The following OSBPL8 variants were observed in gnomAD, a reference collection of about 807,000 sequenced individuals.
OSBPL8 encodes oxysterol-binding protein-related protein 8.
A neutral mutation model predicts 125.5 loss-of-function variants in OSBPL8; 59 were observed. The observed-to-expected ratio is 0.47, with a 90% CI of 0.38 to 0.58. The LOEUF is 0.58. Ranked by LOEUF, OSBPL8 falls within the 20% of genes least tolerant of loss-of-function variation. The pLI is 0.00. For synonymous variants in OSBPL8, 330 were observed against 338.9 expected (o/e 0.97, Z 0.29); for missense variants, 758 against 1,047.8 (o/e 0.72, Z 3.82).
At chr12:76,365,672 C>T (rs1952387895) in intron 21 of OSBPL8, among the ~76,000 whole-genome samples, 2 of 151,992 alleles carry the variant, frequency 1.3e-5, no homozygotes, top group Non-Finnish European at 2.9e-5. Context: ...TTGTCTTGTT[C>T]CTGATGTTAC....
intron 5 of OSBPL8, among the ~76,000 whole-genome samples, chr12:76,405,287 C>T (rs377695781): frequency 1.1e-4 from 16 of 151,982 alleles, no homozygotes; most frequent in African/African-American, 2.4e-4. Flanking sequence ...GGTGAGACAC[C>T]GTCTCTATGA....
chr12:76,396,041 T>C (rs1415021548), intron 8 of OSBPL8, among the ~76,000 whole-genome samples: 1 of 150,658 alleles, frequency 6.6e-6, no homozygotes, highest in Non-Finnish European at 1.5e-5. Context: ...TATTTTTGTA[T>C]ATGTATATAT....
chr12:76,474,640 A>C (rs968309411), intron 2 of OSBPL8, among the ~76,000 whole-genome samples: 3 of 151,890 alleles, frequency 2.0e-5, no homozygotes, highest in Non-Finnish European at 4.4e-5. Context: ...TGCCACCATG[A>C]CTGGCTAATG....
At chr12:76,392,450 C>T (rs1217926376) in intron 10 of OSBPL8, 131 bp downstream of exon 10, 1 of 746,204 alleles carries the variant, frequency 1.3e-6, no homozygotes, top group Admixed American at 2.8e-5. Flanking sequence ...AAGCCGGTTC[C>T]TAGGCCATAT....
rs1231554256 is a variant in OSBPL8, at chr12:76,490,385, T to C, written c.-67-2767A>G. On this transcript the variant is annotated intron_variant, in intron 1 of 23. Transcript: ENST00000261183. ...GGACCTGTCCTGCCCAACCCCATCC[T>C]ATGCCTATAAAGACCCCAGACTCAG... Among the ~76,000 whole-genome samples the C allele has an allele frequency of 2.0e-5, 3 of 152,192 alleles. No homozygotes were observed. The East Asian group carries it at 5.8e-4, about 29-fold the overall frequency.
At chr12:76,377,033 T>C (rs1775614785) in intron 16 of OSBPL8, among the ~76,000 whole-genome samples, 2 of 152,184 alleles carry the variant, frequency 1.3e-5, no homozygotes, top group Admixed American at 6.5e-5. Context: ...GTGTTTGGTT[T>C]TCTGTTTCTG....
chr12:76,550,127 T>C (rs1950895850), intron 1 of OSBPL8, among the ~76,000 whole-genome samples: 2 of 151,964 alleles, frequency 1.3e-5, no homozygotes, highest in African/African-American at 2.4e-5. Flanking sequence ...GAGGCTATAA[T>C]AGAGGCATAT....
chr12:76,454,676 A>T (rs189658676), intron 3 of OSBPL8, among the ~76,000 whole-genome samples: 19 of 151,882 alleles, frequency 1.3e-4, no homozygotes, highest in African/African-American at 4.6e-4. Flanking sequence ...CTGTGATAAC[A>T]CCAATGCACC....
intron 1 of OSBPL8, among the ~76,000 whole-genome samples, chr12:76,511,659 T>C (rs1315051961): frequency 2.0e-5 from 3 of 152,246 alleles, no homozygotes; most frequent in Non-Finnish European, 4.4e-5. Flanking sequence ...AAATATTTTC[T>C]CCCATTCTAC....
intron 1 of OSBPL8, among the ~76,000 whole-genome samples, chr12:76,513,456 G>A (rs1881210266): frequency 6.6e-6 from 1 of 152,214 alleles, no homozygotes; most frequent in Admixed American, 6.5e-5. Flanking sequence ...TTGATCTAAT[G>A]TTGAGTTCAG....
In OSBPL8 at chr12:76,480,497, A is replaced by T. The variant is rs144012191; in HGVS notation, c.42+7013T>A. On this transcript the variant is annotated intron_variant, in intron 2 of 23. Coordinates refer to ENST00000261183, the MANE Select transcript of OSBPL8 (RefSeq NM_020841.5). ...CAGTTCAAGAATAACTTCTATTAAC[A>T]ATCTTGTATGTATGATTAATACAAA... is the stretch of plus-strand genomic sequence containing the variant. Among the ~76,000 whole-genome samples the T allele has an allele frequency of 3.4e-3, 520 of 152,312 alleles. 3 individuals are homozygous for T. Among genetic ancestry groups the T allele is most frequent in the African/African-American group, 0.012 (502 of 41,566 alleles).
chr12:76,390,202 G>C, intron 11 of OSBPL8: 1 of 455,532 alleles, frequency 2.2e-6, no homozygotes. Context: ...TGAAGAAAAT[G>C]TAAACTTTAA....
chr12:76,356,496 A>G (rs559238388), intron 23 of OSBPL8, 130 bp downstream of exon 23: 2 of 582,460 alleles, frequency 3.4e-6, no homozygotes, highest in East Asian at 6.2e-5. Flanking sequence ...CAGGTGATAG[A>G]GGCTAAACAT....
At position 76,371,483 on chromosome 12, in the gene OSBPL8, T is replaced by G. The variant is rs772002984; in HGVS notation, c.2019A>C (p.Val673=). The G allele has an allele frequency of 6.2e-7, 1 of 1,608,582 alleles. No homozygotes were observed. Among genetic ancestry groups the G allele is most frequent in the Non-Finnish European group, 8.5e-7 (1 of 1,177,216 alleles). ...IKQWRLIRHT[V]KFEEQGDFES... ...CAAAATCTCCCTGTTCTTCAAATTTTACAGTGTGCCTTATTAATCTCCATT... is the reference window on the plus strand; with the variant it reads ...CAAAATCTCCCTGTTCTTCAAATTTGACAGTGTGCCTTATTAATCTCCATT... Residue 673 remains valine, a synonymous_variant, in exon 19 of 24, where the codon GTA becomes GTC. Coordinates refer to ENST00000261183, the MANE Select transcript of OSBPL8 (RefSeq NM_020841.5).
At chr12:76,400,737 A>G (rs1416665048) in intron 6 of OSBPL8, among the ~76,000 whole-genome samples, 2 of 151,640 alleles carry the variant, frequency 1.3e-5, no homozygotes, top group Non-Finnish European at 2.9e-5. Context: ...CCAAGGTTAG[A>G]ATCTAGTTTT....
intron 1 of OSBPL8, among the ~76,000 whole-genome samples, chr12:76,541,441 G>A (rs1187134262): frequency 3.9e-5 from 6 of 152,002 alleles, no homozygotes; most frequent in Non-Finnish European, 8.8e-5. Context: ...TTGTGCCACT[G>A]CACTCCAGCC....
At chr12:76,377,088 CT>C (rs2136224646) in intron 16 of OSBPL8, among the ~76,000 whole-genome samples, 1 of 152,234 alleles carries the variant, frequency 6.6e-6, no homozygotes, top group South Asian at 2.1e-4. Context: ...ATCCATGTCC[CT>C]GCAAAGGACA....
chr12:76,389,599 A>G, intron 12 of OSBPL8, 46 bp downstream of exon 12: 1 of 1,377,766 alleles, frequency 7.3e-7, no homozygotes. Flanking sequence ...GAGAATTTCT[A>G]AAATCATGAA....
chr12:76,435,806 C>T (rs1395991750), intron 4 of OSBPL8, among the ~76,000 whole-genome samples: 1 of 152,098 alleles, frequency 6.6e-6, no homozygotes, highest in Non-Finnish European at 1.5e-5. Context: ...AGTGGGTCTT[C>T]CTTTACATAT....
Sources: gnomAD v4.1 joint callset for allele counts (sites outside exome capture counted in the v4.1 genomes callset) on GRCh38, gnomAD v4.1.1 for gene constraint, MANE v1.5 for transcripts, NCBI Gene and HGNC (gene_info 2026-07-23, HGNC 2026-07-21) for gene names.